The following SBF2 variants were observed in gnomAD, a reference collection of about 807,000 sequenced individuals.
SBF2 encodes myotubularin-related protein 13.
SBF2 carries 112 observed loss-of-function variants against 225.2 expected under a neutral mutation model. The observed-to-expected ratio is 0.50, with a 90% CI of 0.43 to 0.58. The LOEUF is 0.58. Among genes scored for constraint, SBF2 ranks in the 20% least tolerant of loss-of-function variants. The pLI is 0.00. For synonymous variants in SBF2, 763 were observed against 773.3 expected (o/e 0.99, Z 0.22); for missense variants, 1,996 against 2,206.2 (o/e 0.90, Z 1.91).
chr11:10,132,688 C>T (rs550129281), intron 2 of SBF2, among the ~76,000 whole-genome samples: 16 of 148,542 alleles, frequency 1.1e-4, no homozygotes, highest in African/African-American at 3.5e-4. Context: ...TTGCAAAGAA[C>T]GAAAGAACAA....
At chr11:9,880,670 C>T (rs193056304) in intron 17 of SBF2, among the ~76,000 whole-genome samples, 176 of 152,292 alleles carry the variant, frequency 1.2e-3, no homozygotes, top group Non-Finnish European at 2.0e-3. Flanking sequence ...ACGTCACTGC[C>T]CTACTCAAGA....
intron 2 of SBF2, among the ~76,000 whole-genome samples, chr11:10,098,848 G>T (rs1273246363): frequency 6.6e-6 from 1 of 150,660 alleles, no homozygotes; most frequent in Non-Finnish European, 1.5e-5. Context: ...CCAGTCAGAG[G>T]AGAAAAAGAA....
intron 13 of SBF2, among the ~76,000 whole-genome samples, chr11:9,976,081 T>TC (rs1946670379): frequency 6.7e-6 from 1 of 149,996 alleles, no homozygotes; most frequent in Non-Finnish European, 1.5e-5. Context: ...TCTTTTTTTT[T>TC]TTTTTTTTTT....
chr11:9,985,723 G>C (rs1394471533), intron 13 of SBF2, among the ~76,000 whole-genome samples: 4 of 152,102 alleles, frequency 2.6e-5, no homozygotes, highest in Admixed American at 6.5e-5. Context: ...TTCTCCAGCA[G>C]GAAAATATCA....
chr11:10,029,398 A>C (rs574576061), intron 5 of SBF2, among the ~76,000 whole-genome samples: 1 of 152,318 alleles, frequency 6.6e-6, no homozygotes, highest in Non-Finnish European at 1.5e-5. Flanking sequence ...GTTTCAATTT[A>C]GGTTAATAAA....
chr11:10,074,043 G>C (rs930910613), intron 2 of SBF2, among the ~76,000 whole-genome samples: 1 of 152,142 alleles, frequency 6.6e-6, no homozygotes, highest in African/African-American at 2.4e-5. Flanking sequence ...AATGGATGTA[G>C]ACAATTTCGT....
In SBF2 at chr11:9,780,501, G is replaced by A. The variant is rs1404515321; in HGVS notation, c.5467C>T (p.Arg1823Cys). 1.9e-6 allele frequency: 3 copies of A among 1,614,134 alleles called. No homozygotes were observed. The highest frequency in any genetic ancestry group is 1.6e-4 in the Middle Eastern group (1 of 6,062). ...KAFFDLKTSK[R>C]VYNFCAQDGQ... is the part of the protein sequence containing the mutation. ...TCCTGGGCGCAGAAGTTATACACACGTTTGCTGGTCTTGAGCTACAAAACC... is the reference window on the plus strand; with the variant it reads ...TCCTGGGCGCAGAAGTTATACACACATTTGCTGGTCTTGAGCTACAAAACC... The change falls in exon 40 of 40, where the codon CGT (arginine) becomes TGT (cysteine). Residue 1823 changes from arginine (R) to cysteine (C), a missense_variant. By Grantham distance (180) the Arg-to-Cys change is radical. Coordinates refer to ENST00000256190, the MANE Select transcript of SBF2 (RefSeq NM_030962.4).
chr11:10,203,715 A>G (rs1180425771), intron 1 of SBF2, among the ~76,000 whole-genome samples: 1 of 152,164 alleles, frequency 6.6e-6, no homozygotes, highest in East Asian at 1.9e-4. Context: ...ATTATGTTGC[A>G]TATTTTCAGT....
chr11:10,244,700 G>C (rs993553785), intron 1 of SBF2, among the ~76,000 whole-genome samples: 1 of 152,104 alleles, frequency 6.6e-6, no homozygotes, highest in Non-Finnish European at 1.5e-5. Context: ...AAAAGCTTCT[G>C]AACATCCAAG....
chr11:10,224,854 C>T lies in SBF2; in HGVS notation c.56-30867G>A, dbSNP rs570249196. ...TGTTTTGCTTTTATTGCCTAAGACC[C>T]CTACAGGCCTACAGCTCCATGAGAA... On this transcript the variant is annotated intron_variant, in intron 1 of 39. Transcript: ENST00000256190. 3.8e-3 allele frequency among the ~76,000 whole-genome samples: 581 copies of T among 152,194 alleles called. 4 individuals carry two copies. Among genetic ancestry groups the T allele is most frequent in the South Asian group, 5.4e-3 (26 of 4,808 alleles).
intron 1 of SBF2, among the ~76,000 whole-genome samples, chr11:10,210,337 G>C (rs1008977181): frequency 5.9e-5 from 9 of 151,754 alleles, no homozygotes; most frequent in Middle Eastern, 6.8e-3. Flanking sequence ...AGAAAAGAAA[G>C]AAGAAGAGAA....
chr11:10,096,264 T>C (rs1952017510), intron 2 of SBF2, among the ~76,000 whole-genome samples: 1 of 152,104 alleles, frequency 6.6e-6, no homozygotes, highest in African/African-American at 2.4e-5. Context: ...AACAAAGATT[T>C]AAAATCAAAA....
intron 2 of SBF2, among the ~76,000 whole-genome samples, chr11:10,096,270 C>A (rs1171486713): frequency 6.6e-6 from 1 of 151,936 alleles, no homozygotes; most frequent in Non-Finnish European, 1.5e-5. Flanking sequence ...GATTTAAAAT[C>A]AAAACTACCT....
chr11:9,844,969 G>A (rs561602229), intron 24 of SBF2, among the ~76,000 whole-genome samples: 1 of 152,010 alleles, frequency 6.6e-6, no homozygotes, highest in Non-Finnish European at 1.5e-5. Flanking sequence ...TTGTTCTTAG[G>A]AAACATATTG....
chr11:10,234,057 T>A (rs935331613), intron 1 of SBF2, among the ~76,000 whole-genome samples: 5 of 152,216 alleles, frequency 3.3e-5, no homozygotes, highest in African/African-American at 1.2e-4. Context: ...TACTGACACA[T>A]CAGTATTATT....
At chr11:10,128,891 C>T (rs986049641) in intron 2 of SBF2, among the ~76,000 whole-genome samples, 4 of 152,012 alleles carry the variant, frequency 2.6e-5, no homozygotes, top group Non-Finnish European at 5.9e-5. Context: ...TTTATTTTCC[C>T]GCTTCTTTTC....
At chr11:9,992,650 T>A in intron 11 of SBF2, 107 bp from the exon 12 acceptor site, 1 of 987,716 alleles carries the variant, frequency 1.0e-6, no homozygotes, top group Non-Finnish European at 1.5e-6. Flanking sequence ...TCCCTTCATG[T>A]ATAAATATAT....
At chr11:10,152,071 C>G (rs546388370) in intron 2 of SBF2, among the ~76,000 whole-genome samples, 4 of 152,160 alleles carry the variant, frequency 2.6e-5, no homozygotes, top group Non-Finnish European at 5.9e-5. Flanking sequence ...ACCTGTGGAA[C>G]TGAACTGGGA....
Position 10,027,185 on chromosome 11 carries a change from A to C in SBF2, c.619+1267T>G, listed in dbSNP as rs183224650. Among the ~76,000 whole-genome samples, 25 of 152,274 alleles carry C rather than the reference A, an allele frequency of 1.6e-4. 1 individual carries two copies. In the East Asian group the frequency reaches 4.8e-3, roughly 29 times the overall value. ...CCATGTTGCATAGTAGATATCTTGA[A>C]CTTATTTCTCCTAATTGAAATTTTG... On this transcript the variant is annotated intron_variant, in intron 6 of 39. Transcript: ENST00000256190.
Sources: allele counts gnomAD v4.1 joint callset (sites outside exome capture counted in the v4.1 genomes callset), GRCh38; gene constraint gnomAD v4.1.1; transcripts MANE v1.5; gene names NCBI Gene and HGNC (gene_info 2026-07-23, HGNC 2026-07-21).